The following ARHGEF33 variants were observed in gnomAD, a reference collection of about 807,000 sequenced individuals.
The protein encoded by ARHGEF33 is Rho guanine nucleotide exchange factor 33, also known as DH and coiled-coil domain-containing protein ENSP00000381780.
Under a neutral mutation model 101.9 loss-of-function variants are expected in ARHGEF33, and 72 were observed. The observed-to-expected ratio is 0.71, with a 90% CI of 0.58 to 0.86. The LOEUF is 0.86. Ranked by LOEUF, ARHGEF33 falls within the 40% of genes least tolerant of loss-of-function variation. The probability of loss-of-function intolerance (pLI) is 0.00; values close to 1 mark genes in which losing one functional copy is unlikely to be tolerated. For missense variants in ARHGEF33, 1,169 were observed against 1,111.3 expected, an observed-to-expected ratio of 1.05 and a Z score of -0.74; for synonymous variants, 499 against 442.5, an observed-to-expected ratio of 1.13 and a Z score of -1.60.
chr2:38,890,765 T>C (rs192882675), intron 1 of ARHGEF33, among the ~76,000 whole-genome samples: 99 of 152,328 alleles, frequency 6.5e-4, no homozygotes, highest in African/African-American at 2.1e-3. Context: ...AGCTATTTCA[T>C]TGAAGGCTAC....
intron 4 of ARHGEF33, among the ~76,000 whole-genome samples, chr2:38,924,440 A>C (rs1666829171): frequency 6.6e-6 from 1 of 152,092 alleles, no homozygotes; most frequent in Non-Finnish European, 1.5e-5. Context: ...TAGATTATTA[A>C]AATTATGATC....
At chr2:38,903,417 A>ATT (rs11373078) in intron 2 of ARHGEF33, among the ~76,000 whole-genome samples, 77 of 148,534 alleles carry the variant, frequency 5.2e-4, no homozygotes, top group Middle Eastern at 7.1e-3. Context: ...AAAGGGATGG[A>ATT]TTTTTTTTTT....
At chr2:38,902,830 G>C (rs369324358) in intron 2 of ARHGEF33, among the ~76,000 whole-genome samples, 55 of 152,248 alleles carry the variant, frequency 3.6e-4, no homozygotes, top group East Asian at 9.6e-4. Flanking sequence ...TCATTTGATT[G>C]GTAAATGTTG....
chr2:38,915,706 A>C (rs1350926055), intron 2 of ARHGEF33, among the ~76,000 whole-genome samples: 1 of 152,090 alleles, frequency 6.6e-6, no homozygotes, highest in Non-Finnish European at 1.5e-5. Flanking sequence ...TAATTTACTA[A>C]ATAAAATTTC....
chr2:38,943,579 G>A (rs1667366431), intron 9 of ARHGEF33, among the ~76,000 whole-genome samples: 1 of 152,156 alleles, frequency 6.6e-6, no homozygotes, highest in African/African-American at 2.4e-5. Context: ...TGCCCCATAT[G>A]TATACTTTCA....
chr2:38,906,895 C>A (rs1431032656), intron 2 of ARHGEF33, among the ~76,000 whole-genome samples: 1 of 151,618 alleles, frequency 6.6e-6, no homozygotes, highest in African/African-American at 2.4e-5. Flanking sequence ...GAGGTCAAGG[C>A]TGCAGTGAGC....
chr2:38,945,194 T>C (rs1235516624), intron 10 of ARHGEF33, among the ~76,000 whole-genome samples: 3 of 152,138 alleles, frequency 2.0e-5, no homozygotes. Context: ...ACACTGGTGG[T>C]TCATAAATTC....
intron 9 of ARHGEF33, among the ~76,000 whole-genome samples, chr2:38,938,012 C>T (rs1473910192): frequency 2.0e-5 from 3 of 152,122 alleles, no homozygotes; most frequent in Admixed American, 6.5e-5. Context: ...ATGGCATTTC[C>T]CCCTGGCTAT....
chr2:38,957,183 G>C, intron 14 of ARHGEF33, 136 bp downstream of exon 14: 12 of 1,092,564 alleles, frequency 1.1e-5, no homozygotes, highest in East Asian at 2.6e-5. Context: ...GGGAGAGAAA[G>C]AGCTAGTCAG....
chr2:38,920,152 C>A (rs534255711), intron 3 of ARHGEF33, among the ~76,000 whole-genome samples: 71 of 152,182 alleles, frequency 4.7e-4, no homozygotes, highest in Non-Finnish European at 6.3e-4. Flanking sequence ...TACCAGCATG[C>A]CTTAGGAGAA....
At chr2:38,939,646 A>C (rs774909987) in intron 9 of ARHGEF33, among the ~76,000 whole-genome samples, 1 of 152,114 alleles carries the variant, frequency 6.6e-6, no homozygotes, top group Non-Finnish European at 1.5e-5. Context: ...TAAGGTGCCT[A>C]AGTCCATTGC....
rs1466262994 is a variant in ARHGEF33 at position 38,902,201 on chromosome 2, A to G, written c.-86+6352A>G. On this transcript the variant is annotated intron_variant, in intron 2 of 17. Transcript: ENST00000409978. ...GGTGTTGCTTTCAACTGGCTGAAGTATTAGCTGAGAACAGATTAAAGTGTG... is the reference window on the plus strand; with the variant it reads ...GGTGTTGCTTTCAACTGGCTGAAGTGTTAGCTGAGAACAGATTAAAGTGTG... 2.0e-5 allele frequency among the ~76,000 whole-genome samples: 3 copies of G among 152,188 alleles called. No individual in the cohort carries two copies. In the East Asian group the frequency reaches 5.8e-4, roughly 29 times the overall value.
chr2:38,948,400 A>G (rs1177338453), intron 10 of ARHGEF33, among the ~76,000 whole-genome samples: 1 of 152,090 alleles, frequency 6.6e-6, no homozygotes, highest in Non-Finnish European at 1.5e-5. Context: ...GCCTTCTCCA[A>G]CCCCACCCTG....
intron 4 of ARHGEF33, among the ~76,000 whole-genome samples, chr2:38,921,781 G>A (rs1293816177): frequency 2.6e-5 from 4 of 152,088 alleles, no homozygotes; most frequent in Non-Finnish European, 5.9e-5. Context: ...GCACTACCAC[G>A]CCCACCTCAA....
intron 2 of ARHGEF33, among the ~76,000 whole-genome samples, chr2:38,906,309 T>C (rs1169442254): frequency 6.6e-6 from 1 of 152,234 alleles, no homozygotes. Flanking sequence ...TCTCTTCTTT[T>C]TTTATTAACT....
intron 4 of ARHGEF33, among the ~76,000 whole-genome samples, chr2:38,927,902 A>G (rs1458726551): frequency 6.6e-6 from 1 of 152,196 alleles, no homozygotes; most frequent in African/African-American, 2.4e-5. Context: ...TGTTCAATAA[A>G]TACAACGAAC....
intron 2 of ARHGEF33, among the ~76,000 whole-genome samples, chr2:38,913,887 T>A (rs1666570861): frequency 6.6e-6 from 1 of 152,072 alleles, no homozygotes. Context: ...ACGTATTATT[T>A]AGAAGCTGTC....
intron 1 of ARHGEF33, among the ~76,000 whole-genome samples, chr2:38,891,505 A>C (rs1348296281): frequency 1.3e-5 from 2 of 152,142 alleles, no homozygotes; most frequent in Admixed American, 1.3e-4. Flanking sequence ...CTGCAAAAAA[A>C]AAAGTAAAAT....
chr2:38,921,318 A>T (rs1666751373), intron 3 of ARHGEF33, 56 bp from the exon 4 acceptor site: 1 of 1,043,252 alleles, frequency 9.6e-7, no homozygotes, highest in South Asian at 1.4e-5. Context: ...ATGTATCTGG[A>T]GGGGATAGGG....
Sources: allele counts gnomAD v4.1 joint callset (sites outside exome capture counted in the v4.1 genomes callset), GRCh38; gene constraint gnomAD v4.1.1; transcripts MANE v1.5; gene names NCBI Gene and HGNC (gene_info 2026-07-23, HGNC 2026-07-21).